The following ZMYM2 variants were observed in gnomAD, a reference collection of about 807,000 sequenced individuals.
ZMYM2 encodes zinc finger MYM-type containing 2, also known as zinc finger MYM-type protein 2.
ZMYM2 carries 56 observed loss-of-function variants against 162.8 expected under a neutral mutation model. The observed-to-expected ratio is 0.34, with a 90% CI of 0.28 to 0.43. The LOEUF (loss-of-function observed/expected upper bound fraction) is 0.43. Among genes scored for constraint, ZMYM2 ranks in the 20% least tolerant of loss-of-function variants. ZMYM2 has a pLI of 1.00. For missense variants in ZMYM2, 1,275 were observed against 1,621.8 expected, an observed-to-expected ratio of 0.79 and a Z score of 3.67; for synonymous variants, 510 against 541.6, an observed-to-expected ratio of 0.94 and a Z score of 0.81.
At chr13:19,952,171 T>C in the ZMYM2 span, among the ~76,000 whole-genome samples, 16 of 152,036 alleles carry the variant, frequency 1.1e-4, no homozygotes, top group African/African-American at 3.6e-4. Flanking sequence ...ACATATGGAA[T>C]CTTAAACAAG....
At chr13:20,010,702 G>A (rs1193632204) in intron 6 of ZMYM2, among the ~76,000 whole-genome samples, 2 of 151,886 alleles carry the variant, frequency 1.3e-5, no homozygotes, top group South Asian at 2.1e-4. Context: ...GTGCAGCAGC[G>A]AGATCTTGGC....
Position 20,059,537 on chromosome 13 carries a change from C to A in ZMYM2, c.2714C>A (p.Pro905His). Reference sequence around the variant, plus strand: ...ATGCACATGTACAGTCAGAATATTCCTGTTCCTACTACAGTTCCTGTTCCT... The same window carrying A: ...ATGCACATGTACAGTCAGAATATTCATGTTCCTACTACAGTTCCTGTTCCT... ...VPMHMYSQNI[P>H]VPTTVPVPVP... Residue 905 changes from proline to histidine, a missense_variant, in exon 16 of 25, where the codon CCT (proline) becomes CAT (histidine). By Grantham distance (77) the Pro-to-His change is moderately conservative (BLOSUM62 -2). Around this residue, in one of 10 missense-constraint regions of ZMYM2, gnomAD observed 229 missense variants for 283.8 expected, o/e 0.81. Coordinates refer to ENST00000610343, the MANE Select transcript of ZMYM2 (RefSeq NM_197968.4). 7.6e-7 allele frequency: 1 copy of A among 1,309,324 alleles called. No individual in the cohort carries two copies. The highest frequency in any genetic ancestry group is 1.1e-6 in the Non-Finnish European group (1 of 901,992). 81.1% of individuals were successfully genotyped at this position (1,309,324 alleles called of 1,614,324 possible). A position where few individuals can be genotyped will look rare whatever the true frequency, so the allele number is the denominator to read the frequency against.
intron 3 of ZMYM2, among the ~76,000 whole-genome samples, chr13:19,996,321 C>T (rs1355865834): frequency 6.6e-6 from 1 of 152,172 alleles, no homozygotes; most frequent in Non-Finnish European, 1.5e-5. Flanking sequence ...TGGCTCATGC[C>T]TGTCATCCCA....
the ZMYM2 span, among the ~76,000 whole-genome samples, chr13:19,901,216 C>A: frequency 6.6e-6 from 1 of 152,126 alleles, no homozygotes; most frequent in Non-Finnish European, 1.5e-5. Flanking sequence ...AACATATGAA[C>A]TTTGGGTAGA....
At chr13:19,983,693 A>G (rs935497766) in intron 2 of ZMYM2, among the ~76,000 whole-genome samples, 4 of 151,778 alleles carry the variant, frequency 2.6e-5, no homozygotes, top group Non-Finnish European at 5.9e-5. Context: ...CAGTGGTGCA[A>G]TCTTAGCTCA....
the ZMYM2 span, among the ~76,000 whole-genome samples, chr13:19,919,812 G>C: frequency 6.6e-5 from 10 of 151,848 alleles, no homozygotes; most frequent in Non-Finnish European, 1.5e-4. Flanking sequence ...TGAGTAGCTG[G>C]GATTACAGGC....
intron 2 of ZMYM2, among the ~76,000 whole-genome samples, chr13:19,991,252 T>C (rs1949598627): frequency 6.6e-6 from 1 of 152,054 alleles, no homozygotes; most frequent in African/African-American, 2.4e-5. Context: ...TAGCCAGGAC[T>C]ACAGATGTGC....
At chr13:19,864,218 A>C in the ZMYM2 span, 861 of 155,122 alleles carry the variant, frequency 5.6e-3, 9 homozygotes, top group African/African-American at 0.02. Context: ...GTTGAACTGG[A>C]GTCTTGAGTG....
In ZMYM2 at chr13:20,082,791, C is replaced by T. The variant is rs560691771; in HGVS notation, c.3579C>T (p.Phe1193=). The part of the protein sequence containing the change: ...QPSILPDGSI[F]SRVEEDYLWR... ...TTCTCTCTATTTAAGGGTCAATATT[C>T]TCTCGAGTTGAAGAAGACTATCTCT... is the stretch of plus-strand genomic sequence containing the variant. Residue 1193 remains phenylalanine, a synonymous_variant, in exon 23 of 25, where the codon TTC becomes TTT. Coordinates refer to ENST00000610343, the MANE Select transcript of ZMYM2 (RefSeq NM_197968.4). 10 of 1,603,230 alleles carry T rather than the reference C, an allele frequency of 6.2e-6. No individual in the cohort carries two copies. The highest frequency in any genetic ancestry group is 1.7e-4 in the Middle Eastern group (1 of 6,010).
At position 20,088,657 on chromosome 13, in the gene ZMYM2, T is replaced by G. The variant is rs1958401293; in HGVS notation, c.*2643T>G. On this transcript the variant is annotated 3_prime_UTR_variant, in exon 25 of 25. Transcript: ENST00000610343. ...TCCATAAAAATAATTTTTGCTTAAA[T>G]AGTAACTCATGGTTTTCTTTTATTA... The G allele has an allele frequency of 5.1e-6, 1 of 194,842 alleles. No individual in the cohort carries two copies. The highest frequency in any genetic ancestry group is 1.1e-5 in the Non-Finnish European group (1 of 93,578). 12.1% of individuals were successfully genotyped at this position (194,842 alleles called of 1,614,324 possible).
At chr13:20,051,665 A>G (rs1296160204) in intron 13 of ZMYM2, 67 bp downstream of exon 13, 10 of 1,437,296 alleles carry the variant, frequency 7.0e-6, no homozygotes, top group East Asian at 4.9e-5. Context: ...TTTGAATCCA[A>G]AGCACTGATA....
At chr13:19,995,658 T>G (rs1949964231) in intron 3 of ZMYM2, among the ~76,000 whole-genome samples, 1 of 152,164 alleles carries the variant, frequency 6.6e-6, no homozygotes, top group Non-Finnish European at 1.5e-5. Context: ...GGATTACAGG[T>G]GTGAGCCACT....
At chr13:20,029,489 CTAAGAG>C (rs1298637394) in intron 9 of ZMYM2, among the ~76,000 whole-genome samples, 1 of 151,438 alleles carries the variant, frequency 6.6e-6, no homozygotes, top group African/African-American at 2.4e-5. Context: ...TTTGGAAACG[CTAAGAG>C]TAATGTTGGC....
At chr13:19,913,731 A>C in the ZMYM2 span, among the ~76,000 whole-genome samples, 3 of 152,312 alleles carry the variant, frequency 2.0e-5, no homozygotes, top group East Asian at 5.8e-4. Context: ...ACTCTGTCTC[A>C]AAAACAAAAA....
intron 21 of ZMYM2, among the ~76,000 whole-genome samples, chr13:20,077,948 G>C (rs552655495): frequency 6.6e-5 from 10 of 151,436 alleles, no homozygotes; most frequent in African/African-American, 2.4e-4. Flanking sequence ...CTCCCGAATA[G>C]CTGGGACTAC....
At chr13:19,903,028 C>T in the ZMYM2 span, among the ~76,000 whole-genome samples, 9 of 151,482 alleles carry the variant, frequency 5.9e-5, no homozygotes, top group South Asian at 2.1e-4. Context: ...TGGTGGTGCA[C>T]GCCTGTAATT....
chr13:19,942,539 C>CAA, the ZMYM2 span, among the ~76,000 whole-genome samples: 7 of 57,288 alleles, frequency 1.2e-4, no homozygotes, highest in East Asian at 3.7e-4. Context: ...ACCGTCTCTA[C>CAA]AAAAAAAAAA....
At chr13:20,038,588 C>T (rs1213564287) in intron 12 of ZMYM2, among the ~76,000 whole-genome samples, 1 of 152,056 alleles carries the variant, frequency 6.6e-6, no homozygotes, top group African/African-American at 2.4e-5. Flanking sequence ...TGTAGGTGTG[C>T]GGCCTCATTT....
chr13:20,019,936 G>T (rs1357822143), intron 7 of ZMYM2: 5 of 168,218 alleles, frequency 3.0e-5, no homozygotes, highest in Admixed American at 1.4e-4. Flanking sequence ...CCTCTCTTTT[G>T]TGCCTACCTG....
Sources: allele counts gnomAD v4.1 joint callset (sites outside exome capture counted in the v4.1 genomes callset), GRCh38; gene constraint gnomAD v4.1.1; regional missense constraint gnomAD v4.1.1; transcripts MANE v1.5; gene names NCBI Gene and HGNC (gene_info 2026-07-23, HGNC 2026-07-21).